The following LARS2 variants were observed in gnomAD, a reference collection of about 807,000 sequenced individuals.
LARS2 encodes the protein leucyl-tRNA synthetase 2, mitochondrial.
Under a neutral mutation model 116.6 loss-of-function variants are expected in LARS2, and 81 were observed. The ratio of observed to expected loss-of-function variants is 0.69; its 90% confidence interval spans 0.58 to 0.84. The LOEUF (loss-of-function observed/expected upper bound fraction) is 0.84, where lower values mean the gene tolerates loss of function less well. LARS2 is among the 40% of genes least tolerant of loss of function. The probability of loss-of-function intolerance (pLI) is 0.00; values close to 1 mark genes in which losing one functional copy is unlikely to be tolerated. For missense variants in LARS2, 968 were observed against 1,114.5 expected (o/e 0.87, Z 1.87); for synonymous variants, 396 against 407.2 (o/e 0.97, Z 0.33).
chr3:45,491,495 C>G lies in LARS2; in HGVS notation c.1240-22C>G, dbSNP rs760028309. On this transcript the variant is annotated intron_variant, in intron 12 of 21. Coordinates refer to ENST00000645846, the MANE Select transcript of LARS2 (RefSeq NM_015340.4). ...CTGGTGCTATGCGGAGAGGAGTGAG[C>G]TTTCTTTTCTTTCCCTGTCAGTTCA... is the stretch of plus-strand genomic sequence containing the variant. 3 of 1,611,228 alleles carry G rather than the reference C, an allele frequency of 1.9e-6. No individual in the cohort carries two copies. In the Admixed American group the frequency reaches 5.0e-5, roughly 27 times the overall value.
At chr3:45,415,740 G>C (rs908975640) in intron 4 of LARS2, among the ~76,000 whole-genome samples, 38 of 151,536 alleles carry the variant, frequency 2.5e-4, no homozygotes, top group African/African-American at 9.0e-4. Flanking sequence ...CCCAGCTACT[G>C]GGGAGGCTCA....
At chr3:45,498,142 G>A (rs1700049404) in intron 14 of LARS2, among the ~76,000 whole-genome samples, 1 of 152,196 alleles carries the variant, frequency 6.6e-6, no homozygotes, top group South Asian at 2.1e-4. Flanking sequence ...TTCTCAGAGT[G>A]CTTCAAAGGA....
intron 4 of LARS2, among the ~76,000 whole-genome samples, chr3:45,407,397 C>T (rs1298715219): frequency 2.0e-5 from 3 of 152,130 alleles, no homozygotes; most frequent in Non-Finnish European, 2.9e-5. Flanking sequence ...AGATCTCCTT[C>T]GAAGGAGAGA....
At chr3:45,537,611 T>C (rs755586321) in intron 20 of LARS2, among the ~76,000 whole-genome samples, 3 of 151,642 alleles carry the variant, frequency 2.0e-5, no homozygotes, top group Non-Finnish European at 2.9e-5. Context: ...TAAAGCAAAG[T>C]GGCCTCCTTC....
At chr3:45,469,400 C>T (rs1699483710) in intron 8 of LARS2, among the ~76,000 whole-genome samples, 1 of 152,120 alleles carries the variant, frequency 6.6e-6, no homozygotes, top group Admixed American at 6.5e-5. Context: ...GGCTGGAGTA[C>T]AATTGCACTA....
chr3:45,460,351 C>T (rs1001882186), intron 8 of LARS2, among the ~76,000 whole-genome samples: 3 of 152,186 alleles, frequency 2.0e-5, no homozygotes, highest in Non-Finnish European at 4.4e-5. Context: ...AGTTGGGGTC[C>T]ACTACATTAC....
intron 6 of LARS2, among the ~76,000 whole-genome samples, chr3:45,442,215 G>A (rs1309097255): frequency 6.6e-6 from 1 of 152,152 alleles, no homozygotes; most frequent in African/African-American, 2.4e-5. Flanking sequence ...TCCCTAAGGA[G>A]TCTTACCCAC....
At chr3:45,432,566 G>C (rs1430664865) in intron 6 of LARS2, among the ~76,000 whole-genome samples, 2 of 151,500 alleles carry the variant, frequency 1.3e-5, no homozygotes, top group African/African-American at 4.8e-5. Flanking sequence ...AAATCACAAG[G>C]GAAATTAAAA....
At chr3:45,536,578 TG>T (rs1239057472) in intron 20 of LARS2, among the ~76,000 whole-genome samples, 1 of 152,254 alleles carries the variant, frequency 6.6e-6, no homozygotes, top group African/African-American at 2.4e-5. Flanking sequence ...GCACTGCTCC[TG>T]GGGAGTGAAC....
intron 8 of LARS2, among the ~76,000 whole-genome samples, chr3:45,472,944 A>C (rs1699550272): frequency 6.6e-6 from 1 of 152,260 alleles, no homozygotes; most frequent in Admixed American, 6.5e-5. Context: ...CCCTTCCCAG[A>C]TGCCTGGGGA....
Position 45,406,283 on chromosome 3 carries a change from T to C in LARS2, c.363+5910T>C, listed in dbSNP as rs1698230135. 2.0e-5 allele frequency among the ~76,000 whole-genome samples: 3 copies of C among 152,138 alleles called. No individual in the cohort carries two copies. In the South Asian group the frequency reaches 6.2e-4, roughly 32 times the overall value. Reference sequence around the variant, plus strand: ...GATTCTTAAACTTTAGGGTGTGTAATGATCCCCTGAGGAGTTTGCTAAAAA... The same window carrying C: ...GATTCTTAAACTTTAGGGTGTGTAACGATCCCCTGAGGAGTTTGCTAAAAA... On this transcript the variant is annotated intron_variant, in intron 4 of 21. Transcript: ENST00000645846.
intron 7 of LARS2, among the ~76,000 whole-genome samples, chr3:45,455,907 A>G (rs2125709092): frequency 1.3e-5 from 2 of 152,246 alleles, no homozygotes; most frequent in South Asian, 2.1e-4. Flanking sequence ...AAAGGCAAAA[A>G]TCATGTGATC....
intron 6 of LARS2, among the ~76,000 whole-genome samples, chr3:45,429,279 C>T (rs1290504068): frequency 6.6e-6 from 1 of 152,170 alleles, no homozygotes; most frequent in Non-Finnish European, 1.5e-5. Context: ...GTTGGTAGAG[C>T]TGTGTTCCTT....
At chr3:45,507,847 T>TTGTACAATTTTTTACAA (rs1700222090) in intron 15 of LARS2, among the ~76,000 whole-genome samples, 1 of 152,042 alleles carries the variant, frequency 6.6e-6, no homozygotes, top group African/African-American at 2.4e-5. Context: ...TTTACAATGA[T>TTGTACAATTTTTTACAA]TGTGTAACTT....
At chr3:45,451,633 G>A (rs1699129988) in intron 7 of LARS2, among the ~76,000 whole-genome samples, 1 of 152,064 alleles carries the variant, frequency 6.6e-6, no homozygotes, top group African/African-American at 2.4e-5. Flanking sequence ...AAATCAGGTA[G>A]TGTGATGCTT....
At position 45,417,517 on chromosome 3, in the gene LARS2, GC is replaced by G; in HGVS notation, c.401del (p.Pro134LeufsTer24). ...NPMGWDAFGLPAENAAVERNL... is the reference protein window; with the variant it reads ...NPMGWDAFGLXAENAAVERNL... ...CCATGGGATGGGATGCTTTTGGATT[GC>G]CTGCTGAAAATGCCGCAGTCGAGAG... is the stretch of plus-strand genomic sequence containing the variant. On this transcript the variant is annotated frameshift_variant, in exon 5 of 22. Transcript: ENST00000645846. LOFTEE classifies it high-confidence loss of function. 6.2e-7 allele frequency: 1 copy of G among 1,614,134 alleles called. No homozygotes were observed. Among genetic ancestry groups the G allele is most frequent in the East Asian group, 2.2e-5 (1 of 44,878 alleles).
intron 7 of LARS2, among the ~76,000 whole-genome samples, chr3:45,447,181 C>T (rs923909619): frequency 6.6e-6 from 1 of 152,138 alleles, no homozygotes; most frequent in African/African-American, 2.4e-5. Context: ...ACCCCATAAC[C>T]TATTGTCTGG....
At chr3:45,415,659 C>T (rs1336836326) in intron 4 of LARS2, among the ~76,000 whole-genome samples, 1 of 151,756 alleles carries the variant, frequency 6.6e-6, no homozygotes, top group East Asian at 1.9e-4. Flanking sequence ...ACCAGCCTGG[C>T]CAACATAGCA....
At chr3:45,411,617 T>C (rs779784099) in intron 4 of LARS2, among the ~76,000 whole-genome samples, 9 of 152,300 alleles carry the variant, frequency 5.9e-5, no homozygotes, top group Non-Finnish European at 1.0e-4. Context: ...ATCCCTGATA[T>C]AATGTTAAAT....
Sources: gnomAD v4.1 joint callset for allele counts (sites outside exome capture counted in the v4.1 genomes callset) on GRCh38, gnomAD v4.1.1 for gene constraint, MANE v1.5 for transcripts, NCBI Gene and HGNC (gene_info 2026-07-23, HGNC 2026-07-21) for gene names.